The following KIF9 variants were observed in gnomAD, a reference collection of about 807,000 sequenced individuals.
KIF9 encodes kinesin family member 9.
In KIF9, 68 loss-of-function variants were observed where a neutral mutation model predicts 94.8. The observed-to-expected ratio is 0.72, with a 90% CI of 0.59 to 0.88. The LOEUF (loss-of-function observed/expected upper bound fraction) is 0.88. Ranked by LOEUF, KIF9 falls within the 40% of genes least tolerant of loss-of-function variation. KIF9 has a pLI of 0.00. For missense variants in KIF9, 882 were observed against 982.5 expected (o/e 0.90, Z 1.37); for synonymous variants, 343 against 362.1 (o/e 0.95, Z 0.60).
intron 12 of KIF9, 168 bp from the exon 13 acceptor site, chr3:47,246,420 C>G: frequency 2.3e-6 from 1 of 431,980 alleles, no homozygotes; most frequent in Non-Finnish European, 4.1e-6. Flanking sequence ...CCAAGCCCTC[C>G]TCCAGAGCAG....
chr3:47,278,461 C>T (rs961156184), intron 1 of KIF9, among the ~76,000 whole-genome samples: 4 of 152,092 alleles, frequency 2.6e-5, no homozygotes, highest in East Asian at 1.9e-4. Context: ...CCTTTAACTT[C>T]TGAGCTCAAG....
chr3:47,230,151 G>A (rs963065054), intron 20 of KIF9, among the ~76,000 whole-genome samples: 3 of 152,140 alleles, frequency 2.0e-5, no homozygotes, highest in Admixed American at 1.3e-4. Context: ...AGGGGCTCAC[G>A]CCCATGATCC....
chr3:47,255,993 C>T lies in KIF9; in HGVS notation c.1059+1490G>A, dbSNP rs552239497. ...GCCGGGCTGGTCTCCAGCTCCTAAC[C>T]GCGAGTGATCCGCCAGCCCCGGCCT... On this transcript the variant is annotated intron_variant, in intron 10 of 20. Coordinates refer to ENST00000684063, the MANE Select transcript of KIF9 (RefSeq NM_182902.4). Among the ~76,000 whole-genome samples, 604 of 152,338 alleles carry T rather than the reference C, an allele frequency of 4.0e-3. 6 individuals carry two copies. Among genetic ancestry groups the T allele is most frequent in the African/African-American group, 0.014 (585 of 41,592 alleles).
intron 5 of KIF9, among the ~76,000 whole-genome samples, chr3:47,269,802 A>C (rs1212551207): frequency 7.8e-5 from 7 of 89,516 alleles, no homozygotes; most frequent in African/African-American, 1.5e-4. Flanking sequence ...TTTGAGATGG[A>C]GTCTCCCTCT....
chr3:47,246,452 T>G (rs1699931174), intron 12 of KIF9, 200 bp from the exon 13 acceptor site: 1 of 379,924 alleles, frequency 2.6e-6, no homozygotes, highest in Admixed American at 4.6e-5. Context: ...ATTAATAATT[T>G]TAAAACTAAG....
chr3:47,239,795 G>C (rs1408103065), intron 17 of KIF9: 7 of 1,366,014 alleles, frequency 5.1e-6, no homozygotes, highest in Non-Finnish European at 6.9e-6. Context: ...CTGTGAGTGA[G>C]ATGATGCATC....
intron 17 of KIF9, among the ~76,000 whole-genome samples, chr3:47,238,988 C>T (rs1221247000): frequency 2.6e-5 from 4 of 152,160 alleles, no homozygotes; most frequent in African/African-American, 7.2e-5. Context: ...CACCTGAGGT[C>T]GGGAGTTCAA....
At chr3:47,275,692 C>T (rs1701922227) in intron 2 of KIF9, among the ~76,000 whole-genome samples, 1 of 152,172 alleles carries the variant, frequency 6.6e-6, no homozygotes, top group East Asian at 1.9e-4. Flanking sequence ...ATGGAAAGAT[C>T]AGGAGAGTGG....
chr3:47,246,068 C>A lies in KIF9; in HGVS notation c.1289+129G>T, dbSNP rs565517751. On this transcript the variant is annotated intron_variant, in intron 13 of 20. Transcript: ENST00000684063. ...ATATCCACCAGGGACCCAGGCATGCCCCCAAGGACTCTGATTTGGCTCTTC... is the reference window on the plus strand; with the variant it reads ...ATATCCACCAGGGACCCAGGCATGCACCCAAGGACTCTGATTTGGCTCTTC... The A allele has an allele frequency of 8.4e-6, 6 of 718,288 alleles. No homozygotes were observed. The East Asian group carries it at 1.4e-4, about 16-fold the overall frequency. 44.5% of individuals were successfully genotyped at this position (718,288 alleles called of 1,614,324 possible). A position where few individuals can be genotyped will look rare whatever the true frequency, so the allele number is the denominator to read the frequency against.
rs763045780 is a variant in KIF9 at position 47,273,645 on chromosome 3, A to G, written c.273T>C (p.Cys91=). 3.7e-6 allele frequency: 6 copies of G among 1,613,936 alleles called. No homozygotes were observed. The East Asian group carries it at 8.9e-5, about 24-fold the overall frequency. ...ALDGYNGTIM[C]YGQTGAGKTY... is the part of the protein sequence containing the mutation. ...TCTTGCCAGCTCCCGTCTGCCCATA[A>G]CACATGATGGTGCCTGCAAACATTT... The change falls in exon 4 of 21, where the codon TGT becomes TGC. Residue 91 remains cysteine, a synonymous_variant. Transcript: ENST00000684063.
At chr3:47,233,646 T>C (rs1281051420) in intron 20 of KIF9, among the ~76,000 whole-genome samples, 1 of 148,872 alleles carries the variant, frequency 6.7e-6, no homozygotes, top group East Asian at 2.0e-4. Context: ...TAATGAGCCA[T>C]GATCATGCCA....
rs1429283466 is a variant in KIF9, at chr3:47,257,561, C to G, written c.982-1G>C. 6.2e-7 allele frequency: 1 copy of G among 1,613,060 alleles called. No individual in the cohort carries two copies. Among genetic ancestry groups the G allele is most frequent in the Non-Finnish European group, 8.5e-7 (1 of 1,179,880 alleles). On this transcript the variant is annotated splice_acceptor_variant, in intron 9 of 20. Coordinates refer to ENST00000684063, the MANE Select transcript of KIF9 (RefSeq NM_182902.4). LOFTEE classifies it high-confidence loss of function. ...TGCTGGCAAATCTCAGTGAAGATAGCTGCAAAACAGAGCAGGTAGACATTA... is the reference window on the plus strand; with the variant it reads ...TGCTGGCAAATCTCAGTGAAGATAGGTGCAAAACAGAGCAGGTAGACATTA...
intron 16 of KIF9, 135 bp from the exon 17 acceptor site, chr3:47,241,150 A>G: frequency 1.4e-6 from 1 of 699,004 alleles, no homozygotes; most frequent in South Asian, 1.7e-5. Flanking sequence ...CCAAGACAGG[A>G]GCTAAACTGT....
chr3:47,254,211 A>C (rs1700434245), intron 10 of KIF9, among the ~76,000 whole-genome samples: 1 of 152,188 alleles, frequency 6.6e-6, no homozygotes, highest in Non-Finnish European at 1.5e-5. Flanking sequence ...TAATGCCAGC[A>C]CTCTGGGAGG....
At chr3:47,229,113 T>G (rs1445776741) in intron 20 of KIF9, among the ~76,000 whole-genome samples, 2 of 152,248 alleles carry the variant, frequency 1.3e-5, no homozygotes, top group East Asian at 1.9e-4. Context: ...ACCTTTTTAA[T>G]GCATCACTAG....
chr3:47,247,814 C>A (rs976404950), intron 11 of KIF9, among the ~76,000 whole-genome samples: 1 of 152,150 alleles, frequency 6.6e-6, no homozygotes, highest in East Asian at 1.9e-4. Context: ...TGCCTCGAGG[C>A]CCCTCAGGAC....
intron 7 of KIF9, 110 bp from the exon 8 acceptor site, chr3:47,265,987 G>A (rs767534618): frequency 2.7e-5 from 31 of 1,166,464 alleles, no homozygotes; most frequent in Non-Finnish European, 3.3e-5. Context: ...TCAGGTCAGC[G>A]CCTCCTTCCC....
In KIF9 at chr3:47,243,389, C is replaced by A. The variant is rs1055934754; in HGVS notation, c.1515-144G>T. 1.4e-5 allele frequency: 8 copies of A among 566,374 alleles called. No homozygotes were observed. The Admixed American group carries it at 1.7e-4, about 12-fold the overall frequency. The allele number at this position is 566,374 out of a possible 1,614,324, so 35.1% of individuals were successfully genotyped here. A position where few individuals can be genotyped will look rare whatever the true frequency, so the allele number is the denominator to read the frequency against. ...TCTTGTTCATATGCCTAGGTAAAAGCGCAAATAGTGTGATGCTAAGCCAGG... is the reference window on the plus strand; with the variant it reads ...TCTTGTTCATATGCCTAGGTAAAAGAGCAAATAGTGTGATGCTAAGCCAGG... On this transcript the variant is annotated intron_variant, in intron 15 of 20. Coordinates refer to ENST00000684063, the MANE Select transcript of KIF9 (RefSeq NM_182902.4).
intron 16 of KIF9, 157 bp downstream of exon 16, chr3:47,242,894 G>T: frequency 1.8e-6 from 1 of 562,432 alleles, no homozygotes; most frequent in Non-Finnish European, 3.0e-6. Flanking sequence ...TCATTTTGCA[G>T]ATGCATAAGT....
Sources: gnomAD v4.1 joint callset for allele counts (sites outside exome capture counted in the v4.1 genomes callset) on GRCh38, gnomAD v4.1.1 for gene constraint, MANE v1.5 for transcripts, NCBI Gene and HGNC (gene_info 2026-07-23, HGNC 2026-07-21) for gene names.